The following ACSS3 variants were observed in gnomAD, a reference collection of about 807,000 sequenced individuals.
The protein encoded by ACSS3 is acyl-CoA synthetase short chain family member 3.
Under a neutral mutation model 84.2 loss-of-function variants are expected in ACSS3, and 64 were observed. That is an observed-to-expected ratio of 0.76 (90% CI 0.62 to 0.94). The LOEUF (loss-of-function observed/expected upper bound fraction) is 0.94. Among genes scored for constraint, ACSS3 ranks in the 40% least tolerant of loss-of-function variants. The pLI is 0.00. For synonymous variants in ACSS3, 317 were observed against 310.1 expected (o/e 1.02, Z -0.23); for missense variants, 815 against 867.6 (o/e 0.94, Z 0.76).
intron 13 of ACSS3, among the ~76,000 whole-genome samples, chr12:81,250,253 G>A (rs537649842): frequency 3.3e-5 from 5 of 152,144 alleles, no homozygotes; most frequent in African/African-American, 1.2e-4. Context: ...CACTTGGCAT[G>A]CAAATAATAT....
intron 13 of ACSS3, among the ~76,000 whole-genome samples, chr12:81,234,567 T>C (rs1379922008): frequency 1.3e-5 from 2 of 151,396 alleles, no homozygotes; most frequent in Non-Finnish European, 1.5e-5. Flanking sequence ...CTTGGTCGTG[T>C]CATTACTCTT....
At chr12:81,246,011 G>A (rs1443978692) in intron 13 of ACSS3, among the ~76,000 whole-genome samples, 1 of 152,106 alleles carries the variant, frequency 6.6e-6, no homozygotes, top group African/African-American at 2.4e-5. Context: ...CCTCTGGGGA[G>A]AGGAAGGGGT....
At chr12:81,102,826 TAA>T (rs750745980) in intron 1 of ACSS3, among the ~76,000 whole-genome samples, 43 of 139,456 alleles carry the variant, frequency 3.1e-4, no homozygotes, top group Admixed American at 3.6e-4. Context: ...AGACTGCATC[TAA>T]AAAAAAAAAA....
At chr12:81,189,461 A>T (rs562918130) in intron 8 of ACSS3, among the ~76,000 whole-genome samples, 84 of 152,266 alleles carry the variant, frequency 5.5e-4, no homozygotes, top group Non-Finnish European at 9.7e-4. Flanking sequence ...ATGAGGTTGA[A>T]TGAGGTTGAT....
At chr12:81,217,061 A>G in intron 10 of ACSS3, 65 bp downstream of exon 10, 1 of 1,305,618 alleles carries the variant, frequency 7.7e-7, no homozygotes, top group African/African-American at 1.5e-5. Context: ...TCTAGTGTGT[A>G]TTATGTTGCA....
upstream of ACSS3, chr12:81,078,011 T>C (rs973546529): frequency 2.5e-5 from 32 of 1,268,942 alleles, no homozygotes; most frequent in Middle Eastern, 1.1e-3. Flanking sequence ...TTCTGGGCTC[T>C]GGGCTCACTT....
chr12:81,181,317 C>G (rs769667932), intron 8 of ACSS3, among the ~76,000 whole-genome samples: 13 of 152,244 alleles, frequency 8.5e-5, no homozygotes, highest in Non-Finnish European at 1.3e-4. Flanking sequence ...GAGACTACAC[C>G]ACTGCACCCA....
intron 7 of ACSS3, among the ~76,000 whole-genome samples, chr12:81,170,639 C>T (rs1298127795): frequency 1.3e-5 from 2 of 152,054 alleles, no homozygotes; most frequent in African/African-American, 2.4e-5. Context: ...GTATTTTTGG[C>T]TGCATTATTG....
intron 13 of ACSS3, among the ~76,000 whole-genome samples, chr12:81,234,157 T>G (rs1022397427): frequency 1.3e-5 from 2 of 151,534 alleles, no homozygotes; most frequent in Non-Finnish European, 3.0e-5. Context: ...TATTGTAACC[T>G]TTGAGACTGG....
chr12:81,100,736 C>A (rs918487954), intron 1 of ACSS3, among the ~76,000 whole-genome samples: 1 of 152,190 alleles, frequency 6.6e-6, no homozygotes, highest in Admixed American at 6.5e-5. Context: ...CCAGGCCATC[C>A]ATCCTCACTC....
chr12:81,175,933 C>A (rs910919828), intron 8 of ACSS3, among the ~76,000 whole-genome samples: 1 of 152,022 alleles, frequency 6.6e-6, no homozygotes, highest in African/African-American at 2.4e-5. Context: ...TAATGTCACA[C>A]CCCGAGGAAC....
intron 11 of ACSS3, among the ~76,000 whole-genome samples, chr12:81,229,624 C>T (rs2033388004): frequency 6.6e-6 from 1 of 151,914 alleles, no homozygotes; most frequent in African/African-American, 2.4e-5. Context: ...CTATTGCCTT[C>T]ATACAGATTT....
upstream of ACSS3, chr12:81,077,991 G>C (rs934206406): frequency 8.7e-7 from 1 of 1,147,184 alleles, no homozygotes; most frequent in African/African-American, 1.6e-5. Context: ...CTCTAGTGTG[G>C]CTTCCAAACT....
At chr12:81,201,679 C>T (rs899927121) in intron 9 of ACSS3, among the ~76,000 whole-genome samples, 1 of 152,122 alleles carries the variant, frequency 6.6e-6, no homozygotes, top group African/African-American at 2.4e-5. Context: ...CTGTTAATTG[C>T]CATGGAAAAC....
intron 8 of ACSS3, among the ~76,000 whole-genome samples, chr12:81,175,299 A>G (rs1019889271): frequency 6.6e-6 from 1 of 152,218 alleles, no homozygotes; most frequent in Non-Finnish European, 1.5e-5. Context: ...AGAATGGGTT[A>G]AATGAAGGGG....
At chr12:81,253,752 G>C (rs1005306424) in intron 15 of ACSS3, 82 bp downstream of exon 15, 12 of 1,401,024 alleles carry the variant, frequency 8.6e-6, no homozygotes, top group Non-Finnish European at 1.1e-5. Flanking sequence ...CTTAAAAATG[G>C]TTCTCAAATG....
Position 81,257,604 on chromosome 12 carries a change from T to C in ACSS3, c.*2682T>C, listed in dbSNP as rs957475882. 7 of 152,154 alleles carry C rather than the reference T, an allele frequency of 4.6e-5. No individual in the cohort carries two copies. The highest frequency in any genetic ancestry group is 1.0e-4 in the Non-Finnish European group (7 of 68,026). The allele number at this position is 152,154 out of a possible 1,614,324, so 9.4% of individuals were successfully genotyped here. ...TTATAGTATTTTCCAATTCATTGAA[T>C]TACTTTGCTTGTGAAAATATATTAA... On this transcript the variant is annotated 3_prime_UTR_variant, in exon 16 of 16. Transcript: ENST00000548058.
intron 7 of ACSS3, among the ~76,000 whole-genome samples, chr12:81,169,378 C>T (rs149783900): frequency 3.9e-5 from 6 of 152,146 alleles, no homozygotes; most frequent in African/African-American, 1.2e-4. Flanking sequence ...TTTAAAGCAA[C>T]ATAATGTTTT....
chr12:81,202,581 A>G (rs1022139981), intron 9 of ACSS3, among the ~76,000 whole-genome samples: 10 of 152,136 alleles, frequency 6.6e-5, no homozygotes, highest in Admixed American at 1.3e-4. Context: ...TCAAATTTCA[A>G]GTTTTCTACA....
Sources: allele counts gnomAD v4.1 joint callset (sites outside exome capture counted in the v4.1 genomes callset), GRCh38; gene constraint gnomAD v4.1.1; transcripts MANE v1.5; gene names NCBI Gene and HGNC (gene_info 2026-07-23, HGNC 2026-07-21).